PCDHA8: variants seen among roughly 807,000 people sequenced by gnomAD.
PCDHA8 encodes the protein protocadherin alpha 8.
A neutral mutation model predicts 61.8 loss-of-function variants in PCDHA8; 53 were observed. That is an observed-to-expected ratio of 0.86 (90% confidence interval 0.69 to 1.08). The LOEUF (loss-of-function observed/expected upper bound fraction) is 1.08, where lower values mean the gene tolerates loss of function less well. PCDHA8 is among the 50% of genes least tolerant of loss of function. The pLI is 0.00. For synonymous variants in PCDHA8, 618 were observed against 556.6 expected (o/e 1.11, Z -1.55); for missense variants, 1,293 against 1,245.0 (o/e 1.04, Z -0.58).
chr5:140,882,656 C>T, intron 1 of PCDHA8: 1 of 1,614,192 alleles, frequency 6.2e-7, no homozygotes, highest in Non-Finnish European at 8.5e-7. Flanking sequence ...TAACGACAAC[C>T]CGCCCATATT....
At chr5:140,921,333 A>G (rs1245281166) in intron 1 of PCDHA8, among the ~76,000 whole-genome samples, 1 of 152,182 alleles carries the variant, frequency 6.6e-6, no homozygotes, top group Admixed American at 6.5e-5. Flanking sequence ...GTCTGGTCCA[A>G]TCACATAATA....
Position 140,884,432 on chromosome 5 carries a change from C to A in PCDHA8, c.2394+40717C>A, listed in dbSNP as rs782413139. ...CACGTTGCTGCTGTATACTGCGCTG[C>A]GGTGCTCGGCACCGCCCACCGAGGG... On this transcript the variant is annotated intron_variant, in intron 1 of 3. Coordinates refer to ENST00000531613, the MANE Select transcript of PCDHA8 (RefSeq NM_018911.3). The A allele has an allele frequency of 4.3e-6, 7 of 1,613,764 alleles. No individual in the cohort carries two copies. The highest frequency in any genetic ancestry group is 5.1e-6 in the Non-Finnish European group (6 of 1,179,866).
At chr5:140,973,768 A>G (rs1408539146) in intron 1 of PCDHA8, among the ~76,000 whole-genome samples, 3 of 152,258 alleles carry the variant, frequency 2.0e-5, no homozygotes, top group African/African-American at 7.2e-5. Flanking sequence ...ACAGCCTGGC[A>G]TATTATAGGT....
chr5:140,922,275 C>T (rs782815629), intron 1 of PCDHA8, among the ~76,000 whole-genome samples: 1 of 152,052 alleles, frequency 6.6e-6, no homozygotes, highest in Non-Finnish European at 1.5e-5. Context: ...AAGATTGGAC[C>T]AAGATATGAA....
chr5:140,979,147 C>A (rs2096836802), intron 2 of PCDHA8, 140 bp downstream of exon 2: 2 of 1,442,248 alleles, frequency 1.4e-6, no homozygotes, highest in African/African-American at 2.9e-5. Flanking sequence ...ATTATTTTGT[C>A]CCCATGTTTA....
rs1231856848 is a variant in PCDHA8 at position 141,000,389 on chromosome 5, CTCTCTCTA to C, written c.2543-9236_2543-9229del. 6.2e-3 allele frequency among the ~76,000 whole-genome samples: 389 copies of C among 62,448 alleles called. 3 individuals are homozygous for C. Among genetic ancestry groups the C allele is most frequent in the East Asian group, 0.011 (21 of 1,838 alleles). The allele number at this position is 62,448 out of a possible 152,430, so 41.0% of individuals were successfully genotyped here. A position where few individuals can be genotyped will look rare whatever the true frequency, so the allele number is the denominator to read the frequency against. ...TCTCTCTCTCTCTCTCTCTCTCTCT[CTCTCTCTA>C]TATATATATATATATATATATATAT... is the stretch of plus-strand genomic sequence containing the variant. On this transcript the variant is annotated intron_variant, in intron 3 of 3. Coordinates refer to ENST00000531613, the MANE Select transcript of PCDHA8 (RefSeq NM_018911.3).
At position 140,876,596 on chromosome 5, in the gene PCDHA8, C is replaced by G. The variant is rs1361945795; in HGVS notation, c.2394+32881C>G. ...ACCGTCATTGCCCTGATTAGCGTGT[C>G]GGATCGTGACTCTGGAGCCAATGGA... On this transcript the variant is annotated intron_variant, in intron 1 of 3. Transcript: ENST00000531613. The G allele has an allele frequency of 3.1e-6, 5 of 1,614,040 alleles. No individual in the cohort carries two copies. In the East Asian group the frequency reaches 8.9e-5, roughly 29 times the overall value.
rs1274541359 is a variant in PCDHA8 at position 140,852,032 on chromosome 5, G to C, written c.2394+8317G>C. 7.5e-6 allele frequency: 7 copies of C among 936,644 alleles called. No homozygotes were observed. The African/African-American group carries it at 1.1e-4, about 14-fold the overall frequency. 58.0% of individuals were successfully genotyped at this position (936,644 alleles called of 1,614,324 possible). On this transcript the variant is annotated intron_variant, in intron 1 of 3. Transcript: ENST00000531613. ...TATAGTTTTAAAAACTTCGCTTATT[G>C]AGTTTTTGTTATGTGGTTTATATTT... is the stretch of plus-strand genomic sequence containing the variant.
At chr5:140,883,417 A>C in intron 1 of PCDHA8, 3 of 1,614,146 alleles carry the variant, frequency 1.9e-6, no homozygotes, top group Non-Finnish European at 2.5e-6. Flanking sequence ...GCTCAAATGG[A>C]CAGGTCACCT....
At chr5:140,850,385 G>A (rs2150481955) in intron 1 of PCDHA8, 4 of 1,598,006 alleles carry the variant, frequency 2.5e-6, no homozygotes, top group South Asian at 1.1e-5. Flanking sequence ...ACACGGGCGA[G>A]ATCAGCACAA....
intron 1 of PCDHA8, among the ~76,000 whole-genome samples, chr5:140,907,450 T>C (rs1235040607): frequency 1.1e-4 from 17 of 152,218 alleles, no homozygotes; most frequent in Non-Finnish European, 2.5e-4. Context: ...CAGATGGTAA[T>C]CTTGGCAGAA....
At chr5:140,926,771 A>G in intron 1 of PCDHA8, 3 of 1,372,492 alleles carry the variant, frequency 2.2e-6, no homozygotes, top group Admixed American at 3.2e-5. Context: ...TCCAGCCCGC[A>G]GCAGTGACGG....
Position 140,841,588 on chromosome 5 carries a change from G to C in PCDHA8, c.267G>C (p.Arg89=). Residue 89 remains arginine, a synonymous_variant, in exon 1 of 4, where the codon CGG becomes CGC. Transcript: ENST00000531613. ...ATGGCATTTTGTTTGTGAATTCTCG[G>C]ATCGACCGCGAGGAGCTGTGCGGGC... The part of the protein sequence containing the change: ...LQNGILFVNS[R]IDREELCGRS... 6.2e-7 allele frequency: 1 copy of C among 1,614,070 alleles called. No homozygotes were observed.
chr5:140,937,911 CAA>C (rs200797202), intron 1 of PCDHA8, among the ~76,000 whole-genome samples: 76 of 117,920 alleles, frequency 6.4e-4, no homozygotes, highest in Admixed American at 7.8e-4. Context: ...GACTCCGTCT[CAA>C]AAAAAAAAAA....
chr5:140,855,292 C>A lies in PCDHA8; in HGVS notation c.2394+11577C>A, dbSNP rs950015519. Reference sequence around the variant, plus strand: ...ACTCAACCACCGTATTACTATTAGGCCAAAGTTATAAAATTGGAACATGAG... The same window carrying A: ...ACTCAACCACCGTATTACTATTAGGACAAAGTTATAAAATTGGAACATGAG... On this transcript the variant is annotated intron_variant, in intron 1 of 3. Transcript: ENST00000531613. Among the ~76,000 whole-genome samples, 36 of 149,604 alleles carry A rather than the reference C, an allele frequency of 2.4e-4. 2 individuals carry two copies. Among genetic ancestry groups the A allele is most frequent in the African/African-American group, 8.6e-4 (35 of 40,780 alleles).
chr5:140,872,902 C>G lies in PCDHA8; in HGVS notation c.2394+29187C>G, dbSNP rs78252676. ...TCATTCATCTCACTTTGTAACTGCT[C>G]TATCTTGTAATGCCTTATCTCTAAT... On this transcript the variant is annotated intron_variant, in intron 1 of 3. Coordinates refer to ENST00000531613, the MANE Select transcript of PCDHA8 (RefSeq NM_018911.3). Among the ~76,000 whole-genome samples, 460 of 152,278 alleles carry G rather than the reference C, an allele frequency of 3.0e-3. 1 individual carries two copies. The highest frequency in any genetic ancestry group is 9.4e-3 in the Admixed American group (143 of 15,288).
chr5:140,940,485 ACAAGT>A (rs1554213400), intron 1 of PCDHA8, among the ~76,000 whole-genome samples: 1 of 151,718 alleles, frequency 6.6e-6, no homozygotes, highest in African/African-American at 2.4e-5. Flanking sequence ...TTTTTTCAAG[ACAAGT>A]CTTGCTCCGT....
intron 1 of PCDHA8, chr5:140,871,073 C>A: frequency 1.2e-6 from 2 of 1,613,208 alleles, no homozygotes; most frequent in Non-Finnish European, 8.5e-7. Context: ...GGTGAGCCGG[C>A]GCTGACGGCC....
At position 140,843,564 on chromosome 5, in the gene PCDHA8, G is replaced by A; in HGVS notation, c.2243G>A (p.Trp748Ter). ...GTGTGCTCCAGTGCGGTGGGGAGCT[G>A]GTCATACTCGCAACAACAGCCGCAG... ...TLVCSSAVGS[W>*]SYSQQQPQRV... The change falls in exon 1 of 4, where the codon TGG (tryptophan) becomes TAG (stop). Residue 748 changes from tryptophan (W) to a stop codon, truncating the protein, a stop_gained. Transcript: ENST00000531613. LOFTEE classifies it high-confidence loss of function. The A allele has an allele frequency of 6.3e-7, 1 of 1,595,922 alleles. No individual in the cohort carries two copies. Among genetic ancestry groups the A allele is most frequent in the Non-Finnish European group, 8.6e-7 (1 of 1,165,448 alleles).
Sources: gnomAD v4.1 joint callset for allele counts (sites outside exome capture counted in the v4.1 genomes callset) on GRCh38, gnomAD v4.1.1 for gene constraint, MANE v1.5 for transcripts, NCBI Gene and HGNC (gene_info 2026-07-23, HGNC 2026-07-21) for gene names.